Variants in DGKD observed in about 807,000 individuals in gnomAD.
The protein encoded by DGKD is DAG kinase delta.
A neutral mutation model predicts 154.4 loss-of-function variants in DGKD; 68 were observed. The observed-to-expected ratio is 0.44, with a 90% CI of 0.36 to 0.54. The LOEUF (loss-of-function observed/expected upper bound fraction) is 0.54. Among genes scored for constraint, DGKD ranks in the 20% least tolerant of loss-of-function variants. The pLI, the probability that DGKD is intolerant of heterozygous loss-of-function variation, is 0.00. For missense variants in DGKD, 1,343 were observed against 1,593.6 expected, an observed-to-expected ratio of 0.84 and a Z score of 2.68; for synonymous variants, 693 against 638.0, an observed-to-expected ratio of 1.09 and a Z score of -1.30.
chr2:233,378,373 C>G lies in DGKD; in HGVS notation c.157-9884C>G, dbSNP rs145548345. ...GTTGCAGTGAGCCGAGATTGTGCCA[C>G]TGCACTCCAGCCTGGGCGATAGAGT... On this transcript the variant is annotated intron_variant, in intron 1 of 29. Coordinates refer to ENST00000264057, the MANE Select transcript of DGKD (RefSeq NM_152879.3). 6.5e-3 allele frequency among the ~76,000 whole-genome samples: 982 copies of G among 150,586 alleles called. 14 individuals are homozygous for G. Among genetic ancestry groups the G allele is most frequent in the African/African-American group, 0.021 (858 of 40,758 alleles).
In DGKD at chr2:233,436,457, G is replaced by T; in HGVS notation, c.819+16G>T. On this transcript the variant is annotated intron_variant, in intron 7 of 29. Transcript: ENST00000264057. ...CAAGGCCATGGTGAGTGTGGGCCCT[G>T]CGCCCGGGCTGGAGGGGAGGGCTTG... The T allele has an allele frequency of 6.2e-7, 1 of 1,608,124 alleles. No homozygotes were observed.
chr2:233,384,660 A>G (rs1419261177), intron 1 of DGKD, among the ~76,000 whole-genome samples: 1 of 151,548 alleles, frequency 6.6e-6, no homozygotes, highest in African/African-American at 2.4e-5. Flanking sequence ...GAACATTCCC[A>G]TGCCTGTGTC....
In DGKD at chr2:233,469,421, C is replaced by T; in HGVS notation, c.3606C>T (p.Ile1202=). 1.2e-6 allele frequency: 2 copies of T among 1,610,210 alleles called. No individual in the cohort carries two copies. The highest frequency in any genetic ancestry group is 1.7e-6 in the Non-Finnish European group (2 of 1,178,676). Residue 1202 remains isoleucine (I), a synonymous_variant, in exon 30 of 30, where the codon ATC becomes ATT. Transcript: ENST00000264057. The stretch of plus-strand genomic sequence containing the variant: ...ACATGAAGAGGATCCTGTGTGGCAT[C>T]AAGGAGCTGAGCCGCAGCGCCCCCG... ...VGHMKRILCG[I]KELSRSAPAV... is the part of the protein sequence containing the mutation.
chr2:233,426,456 C>A (rs2062302684), intron 3 of DGKD, among the ~76,000 whole-genome samples: 1 of 152,128 alleles, frequency 6.6e-6, no homozygotes, highest in African/African-American at 2.4e-5. Flanking sequence ...GGAATCCCTC[C>A]TGTGTGCCCC....
intron 28 of DGKD, among the ~76,000 whole-genome samples, chr2:233,467,530 G>A (rs565145050): frequency 1.2e-4 from 19 of 152,132 alleles, no homozygotes; most frequent in East Asian, 9.7e-4. Context: ...GACTCAGGCC[G>A]TGCTGGGGCA....
chr2:233,363,792 G>A (rs1319838011), intron 1 of DGKD, among the ~76,000 whole-genome samples: 1 of 152,186 alleles, frequency 6.6e-6, no homozygotes, highest in East Asian at 1.9e-4. Context: ...AGTTATAGTT[G>A]CCTACAGTGT....
At chr2:233,466,979 C>T in intron 27 of DGKD, 107 bp from the exon 28 acceptor site, 1 of 825,764 alleles carries the variant, frequency 1.2e-6, no homozygotes, top group South Asian at 1.5e-5. Context: ...TTCCCAGCTC[C>T]CGCTCATCTC....
At chr2:233,394,348 T>C (rs1267913362) in intron 3 of DGKD, among the ~76,000 whole-genome samples, 1 of 152,144 alleles carries the variant, frequency 6.6e-6, no homozygotes, top group East Asian at 1.9e-4. Flanking sequence ...GCTCCAGTGA[T>C]CCTCCTGCCT....
At chr2:233,401,913 C>T (rs535965184) in intron 3 of DGKD, among the ~76,000 whole-genome samples, 1 of 92,054 alleles carries the variant, frequency 1.1e-5, no homozygotes, top group Non-Finnish European at 2.0e-5. Flanking sequence ...GAGTGAGACT[C>T]TGTCTCAAAA....
At chr2:233,424,412 T>G (rs1268773984) in intron 3 of DGKD, among the ~76,000 whole-genome samples, 2 of 152,238 alleles carry the variant, frequency 1.3e-5, no homozygotes, top group Non-Finnish European at 2.9e-5. Context: ...TATTTTGAAC[T>G]CTTGGGAAAC....
chr2:233,450,996 C>G lies in DGKD; in HGVS notation c.2113C>G (p.Gln705Glu). The change falls in exon 17 of 30, where the codon CAG becomes GAG. Residue 705 changes from glutamine to glutamate, a missense_variant. This residue lies in a region of DGKD where 409 missense variants were observed against 446.0 expected (regional missense o/e 0.92). Transcript: ENST00000264057. ...AGGCAGTTCTGCTTCCCTTCCGCCC[C>G]AGCCGGGAAGCCGGGACGGCCTGCC... ...SLGSSASLPP[Q>E]PGSRDGLPAL... The G allele has an allele frequency of 6.2e-7, 1 of 1,612,488 alleles. No homozygotes were observed. Among genetic ancestry groups the G allele is most frequent in the Non-Finnish European group, 8.5e-7 (1 of 1,178,594 alleles).
chr2:233,438,688 G>A lies in DGKD; in HGVS notation c.1085+309G>A, dbSNP rs1376413794. Among the ~76,000 whole-genome samples, 1 of 152,118 alleles carries A rather than the reference G, an allele frequency of 6.6e-6. No homozygotes were observed. Among genetic ancestry groups the A allele is most frequent in the Non-Finnish European group, 1.5e-5 (1 of 68,036 alleles). The stretch of plus-strand genomic sequence containing the variant: ...CGTTGCACAAATGCCTTCTGTATGT[G>A]TCTGCATACAACGTTGTGGGTGTAT... On this transcript the variant is annotated intron_variant, in intron 9 of 29. Transcript: ENST00000264057. This position sits in a 1 kb window ranked among gnomAD's most constrained non-coding sequence, Gnocchi z 4.1.
intron 3 of DGKD, among the ~76,000 whole-genome samples, chr2:233,417,137 A>T (rs2125532943): frequency 6.6e-6 from 1 of 152,118 alleles, no homozygotes. Context: ...GGTTCAACTG[A>T]TTCTCCCTCC....
rs948316892 is a variant in DGKD, at chr2:233,440,160, G to A, written c.1086-1727G>A. Among the ~76,000 whole-genome samples the A allele has an allele frequency of 6.6e-6, 1 of 152,166 alleles. No individual in the cohort carries two copies. Among genetic ancestry groups the A allele is most frequent in the Non-Finnish European group, 1.5e-5 (1 of 68,036 alleles). On this transcript the variant is annotated intron_variant, in intron 9 of 29. Transcript: ENST00000264057. The surrounding 1 kb of genome is among the most constrained non-coding windows in gnomAD (Gnocchi z 4.9). ...ACAGCGGCGTAAGGGGAGTTGAGTCGTCATTTACCATTTCTGGAAGCAGCT... is the reference window on the plus strand; with the variant it reads ...ACAGCGGCGTAAGGGGAGTTGAGTCATCATTTACCATTTCTGGAAGCAGCT...
At chr2:233,436,480 T>C (rs1445087499) in intron 7 of DGKD, 39 bp downstream of exon 7, 1 of 1,598,206 alleles carries the variant, frequency 6.3e-7, no homozygotes, top group East Asian at 2.2e-5. Context: ...AGGGGAGGGC[T>C]TGCTCCCTAC....
intron 12 of DGKD, among the ~76,000 whole-genome samples, chr2:233,447,104 C>T (rs573112026): frequency 1.3e-5 from 2 of 152,312 alleles, no homozygotes; most frequent in East Asian, 1.9e-4. Flanking sequence ...GCGCAGTGAG[C>T]CCCAAACGGT....
At chr2:233,428,182 G>T (rs1384603639) in intron 3 of DGKD, among the ~76,000 whole-genome samples, 1 of 152,176 alleles carries the variant, frequency 6.6e-6, no homozygotes, top group Non-Finnish European at 1.5e-5. Flanking sequence ...TGGTTGGTGT[G>T]GGGGCTGGAG....
Position 233,458,144 on chromosome 2 carries a change from A to C in DGKD, c.2581-140A>C, listed in dbSNP as rs1249539486. 1.8e-6 allele frequency: 1 copy of C among 543,224 alleles called. No individual in the cohort carries two copies. Among genetic ancestry groups the C allele is most frequent in the South Asian group, 2.7e-5 (1 of 37,040 alleles). 33.7% of individuals were successfully genotyped at this position (543,224 alleles called of 1,614,324 possible). A position where few individuals can be genotyped will look rare whatever the true frequency, so the allele number is the denominator to read the frequency against. ...AGCTGGTTTCAGGGCCTGCAACATGAAGCCCGTCAGGAGTGCAGTTACCTG... is the reference window on the plus strand; with the variant it reads ...AGCTGGTTTCAGGGCCTGCAACATGCAGCCCGTCAGGAGTGCAGTTACCTG... On this transcript the variant is annotated intron_variant, in intron 21 of 29. Transcript: ENST00000264057. This position sits in a 1 kb window ranked among gnomAD's most constrained non-coding sequence, Gnocchi z 6.6.
At chr2:233,391,516 A>C (rs893913513) in intron 3 of DGKD, among the ~76,000 whole-genome samples, 5 of 152,086 alleles carry the variant, frequency 3.3e-5, no homozygotes, top group Non-Finnish European at 7.4e-5. Context: ...AGGATTTTAT[A>C]ATTTAGGCTT....
Sources: allele counts gnomAD v4.1 joint callset (sites outside exome capture counted in the v4.1 genomes callset), GRCh38; gene constraint gnomAD v4.1.1; regional missense constraint gnomAD v4.1.1; non-coding constraint Gnocchi (gnomAD v3.1); transcripts MANE v1.5; gene names NCBI Gene and HGNC (gene_info 2026-07-23, HGNC 2026-07-21).